The following ITPR1 variants were observed in gnomAD, a reference collection of about 807,000 sequenced individuals.
ITPR1 encodes the protein inositol 1,4,5-trisphosphate-gated calcium channel ITPR1.
In ITPR1, 96 loss-of-function variants were observed where a neutral mutation model predicts 318.4. The observed-to-expected ratio is 0.30, with a 90% CI of 0.26 to 0.36. The LOEUF (loss-of-function observed/expected upper bound fraction) is 0.36. ITPR1 is among the 10% of genes least tolerant of loss of function. ITPR1 has a pLI of 1.00. For synonymous variants in ITPR1, 1,312 were observed against 1,289.9 expected (o/e 1.02, Z -0.37); for missense variants, 2,440 against 3,460.2 (o/e 0.71, Z 7.40).
intron 5 of ITPR1, among the ~76,000 whole-genome samples, chr3:4,636,257 A>G (rs989441796): frequency 3.3e-5 from 5 of 152,242 alleles, no homozygotes; most frequent in African/African-American, 1.2e-4. Flanking sequence ...CTCCTTAATG[A>G]GAACTTATAG....
intron 60 of ITPR1, among the ~76,000 whole-genome samples, chr3:4,819,577 TGAG>T (rs1310715371): frequency 6.6e-6 from 1 of 152,198 alleles, no homozygotes; most frequent in Non-Finnish European, 1.5e-5. Flanking sequence ...GTGCGAATGA[TGAG>T]GAGAAATATT....
chr3:4,600,824 GC>G (rs1218264258), intron 4 of ITPR1, among the ~76,000 whole-genome samples: 5 of 152,124 alleles, frequency 3.3e-5, no homozygotes, highest in Admixed American at 3.3e-4. Context: ...AATGTCAGTA[GC>G]CATCAGACAA....
chr3:4,838,129 A>T lies in ITPR1; in HGVS notation c.8190+1194A>T, dbSNP rs137951010. The stretch of plus-strand genomic sequence containing the variant: ...TTCTTTTCAAACTAAATTATTCCAA[A>T]CTGTGCCCTGAGATACCATTTGGCC... On this transcript the variant is annotated intron_variant, in intron 61 of 61. Coordinates refer to ENST00000649015, the MANE Select transcript of ITPR1 (RefSeq NM_001378452.1). Among the ~76,000 whole-genome samples, 342 of 152,232 alleles carry T rather than the reference A, an allele frequency of 2.2e-3. 1 individual carries two copies. The highest frequency in any genetic ancestry group is 7.2e-3 in the African/African-American group (297 of 41,528).
intron 40 of ITPR1, among the ~76,000 whole-genome samples, chr3:4,717,601 T>C (rs2041868668): frequency 6.6e-6 from 1 of 152,180 alleles, no homozygotes. Context: ...TCCTTGGAGA[T>C]CTCATCTGAG....
chr3:4,638,968 A>G (rs970445467), intron 5 of ITPR1, among the ~76,000 whole-genome samples: 1 of 152,142 alleles, frequency 6.6e-6, no homozygotes, highest in African/African-American at 2.4e-5. Flanking sequence ...CAAGTTCACA[A>G]AACCACAAAC....
chr3:4,714,682 T>C (rs1233930107), intron 39 of ITPR1, among the ~76,000 whole-genome samples: 1 of 152,208 alleles, frequency 6.6e-6, no homozygotes, highest in South Asian at 2.1e-4. Context: ...TAAGCGATAA[T>C]CCTTAAAGAT....
intron 4 of ITPR1, among the ~76,000 whole-genome samples, chr3:4,621,971 A>G (rs990130599): frequency 1.3e-5 from 2 of 152,178 alleles, no homozygotes; most frequent in Non-Finnish European, 2.9e-5. Flanking sequence ...TTTTGCCTCC[A>G]TAGTACTTCT....
At chr3:4,788,490 G>C (rs933623412) in intron 52 of ITPR1, among the ~76,000 whole-genome samples, 1 of 152,218 alleles carries the variant, frequency 6.6e-6, no homozygotes. Context: ...CACTTGAGCA[G>C]GAAATTCACA....
Position 4,674,354 on chromosome 3 carries a change from A to T in ITPR1, c.2598+11A>T. ...AAGCTTACGTTTGAGGTAACTCATG[A>T]TGAAATCTTCTATGTGTATTATCTG... On this transcript the variant is annotated intron_variant, in intron 22 of 61. Coordinates refer to ENST00000649015, the MANE Select transcript of ITPR1 (RefSeq NM_001378452.1). The T allele has an allele frequency of 2.5e-6, 4 of 1,600,846 alleles. No individual in the cohort carries two copies. Among genetic ancestry groups the T allele is most frequent in the Non-Finnish European group, 3.4e-6 (4 of 1,174,012 alleles).
chr3:4,641,683 G>GT (rs2093342519), intron 6 of ITPR1, among the ~76,000 whole-genome samples: 1 of 152,172 alleles, frequency 6.6e-6, no homozygotes, highest in Non-Finnish European at 1.5e-5. Flanking sequence ...GCCCTGCGTT[G>GT]TTTTTTAAAC....
In ITPR1 at chr3:4,645,778, G is replaced by A. The variant is rs370930517; in HGVS notation, c.855+50G>A. ...TCCTGGGTTTAGAGGATATCAGCCT[G>A]TATATAGGCTCTCTCTCTCTCTATC... On this transcript the variant is annotated intron_variant, in intron 10 of 61. Transcript: ENST00000649015. 1,382 of 1,412,532 alleles carry A rather than the reference G, an allele frequency of 9.8e-4. 20 individuals are homozygous for A. In the African/African-American group the frequency reaches 0.028, roughly 28 times the overall value. 87.5% of individuals were successfully genotyped at this position (1,412,532 alleles called of 1,614,324 possible). A position where few individuals can be genotyped will look rare whatever the true frequency, so the allele number is the denominator to read the frequency against.
At position 4,714,446 on chromosome 3, in the gene ITPR1, G is replaced by A. The variant is rs34434508; in HGVS notation, c.5103+2578G>A. On this transcript the variant is annotated intron_variant, in intron 39 of 61. Transcript: ENST00000649015. ...CTCTGCCCTCTCCTGAGCCTTCACC[G>A]CCAAAGAATCGGATCTGGAGGGGCC... Among the ~76,000 whole-genome samples the A allele has an allele frequency of 5.2e-3, 790 of 152,158 alleles. 1 individual carries two copies. Among genetic ancestry groups the A allele is most frequent in the Admixed American group, 9.3e-3 (142 of 15,298 alleles).
chr3:4,610,897 T>TC (rs1282596553), intron 4 of ITPR1, among the ~76,000 whole-genome samples: 9 of 84,172 alleles, frequency 1.1e-4, no homozygotes, highest in Admixed American at 5.5e-4. Context: ...CCTTCCCCCT[T>TC]CCCCCCCTTC....
At chr3:4,685,047 C>G (rs1367449819) in intron 29 of ITPR1, 22 bp from the exon 30 acceptor site, 1 of 1,602,570 alleles carries the variant, frequency 6.2e-7, no homozygotes, top group Non-Finnish European at 8.5e-7. Flanking sequence ...TTTTCTGAGA[C>G]TGATTTCTTT....
chr3:4,709,948 T>A (rs1339684702), intron 37 of ITPR1, among the ~76,000 whole-genome samples: 1 of 152,232 alleles, frequency 6.6e-6, no homozygotes, highest in Non-Finnish European at 1.5e-5. Flanking sequence ...TAGATATTGA[T>A]GATGTTTATA....
Position 4,836,799 on chromosome 3 carries a change from G to A in ITPR1, c.8054G>A (p.Arg2685Lys). ...GAAAGAAACCTTGACTGGTTCCCCA[G>A]GATGAGAGCCATGTCATTGGTCAGC... is the stretch of plus-strand genomic sequence containing the variant. ...IKERNLDWFPRMRAMSLVSSD... is the reference protein window; with the variant it reads ...IKERNLDWFPKMRAMSLVSSD... The change falls in exon 61 of 62, where the codon AGG becomes AAG. Residue 2685 changes from arginine (R) to lysine (K), a missense_variant. This residue lies in a region of ITPR1 where 72 missense variants were observed against 197.7 expected (regional missense o/e 0.36). Transcript: ENST00000649015. 1 of 1,438,172 alleles carries A rather than the reference G, an allele frequency of 7.0e-7. No individual in the cohort carries two copies. Among genetic ancestry groups the A allele is most frequent in the Non-Finnish European group, 9.3e-7 (1 of 1,077,626 alleles). 89.1% of individuals were successfully genotyped at this position (1,438,172 alleles called of 1,614,324 possible).
chr3:4,691,391 A>C, intron 32 of ITPR1, 47 bp downstream of exon 32: 1 of 1,327,908 alleles, frequency 7.5e-7, no homozygotes, highest in Non-Finnish European at 1.1e-6. Flanking sequence ...GTTCTGTAGA[A>C]ATTTTAAAAT....
At chr3:4,505,579 T>A (rs1469655847) in intron 2 of ITPR1, among the ~76,000 whole-genome samples, 1 of 152,204 alleles carries the variant, frequency 6.6e-6, no homozygotes, top group East Asian at 1.9e-4. Context: ...CCTTTTGTTT[T>A]TTAGGAGGTG....
chr3:4,812,276 G>A (rs2048987385), intron 56 of ITPR1, among the ~76,000 whole-genome samples: 1 of 152,050 alleles, frequency 6.6e-6, no homozygotes, highest in Non-Finnish European at 1.5e-5. Flanking sequence ...GGGCTCAGGC[G>A]ATCCCCCAGC....
Sources: gnomAD v4.1 joint callset for allele counts (sites outside exome capture counted in the v4.1 genomes callset) on GRCh38, gnomAD v4.1.1 for gene constraint, gnomAD v4.1.1 regional missense constraint, MANE v1.5 for transcripts, NCBI Gene and HGNC (gene_info 2026-07-23, HGNC 2026-07-21) for gene names.